KMT2E: variants seen among roughly 807,000 people sequenced by gnomAD.
KMT2E encodes lysine methyltransferase 2E (inactive).
KMT2E carries 30 observed loss-of-function variants against 184.6 expected under a neutral mutation model. The observed-to-expected ratio is 0.16, with a 90% CI of 0.12 to 0.22. KMT2E has a LOEUF of 0.22. Ranked by LOEUF, KMT2E falls within the 10% of genes least tolerant of loss-of-function variation. The probability of loss-of-function intolerance (pLI) is 1.00; values close to 1 mark genes in which losing one functional copy is unlikely to be tolerated. For synonymous variants in KMT2E, 815 were observed against 776.5 expected, an observed-to-expected ratio of 1.05 and a Z score of -0.82; for missense variants, 2,023 against 2,237.4, an observed-to-expected ratio of 0.90 and a Z score of 1.93.
At position 105,108,885 on chromosome 7, in the gene KMT2E, T is replaced by C. The variant is rs1026378425; in HGVS notation, c.3469-57T>C. 2.1e-6 allele frequency: 3 copies of C among 1,429,334 alleles called. No individual in the cohort carries two copies. In the African/African-American group the frequency reaches 4.3e-5, roughly 20 times the overall value. 88.5% of individuals were successfully genotyped at this position (1,429,334 alleles called of 1,614,324 possible). On this transcript the variant is annotated intron_variant, in intron 22 of 26. Transcript: ENST00000311117. ...CTTTAGACAAAAAAGAATGCATTGG[T>C]TCTGACATAAAAAACAAGAATAAAA... is the stretch of plus-strand genomic sequence containing the variant.
In KMT2E at chr7:105,075,969, G is replaced by T. The variant is rs549192192; in HGVS notation, c.730-74G>T. On this transcript the variant is annotated intron_variant, in intron 8 of 26. Transcript: ENST00000311117. Reference sequence around the variant, plus strand: ...TGACACTTCAGTTAAAAGTTTCAATGAACCAATTAATTCTTAAATATTAAT... The same window carrying T: ...TGACACTTCAGTTAAAAGTTTCAATTAACCAATTAATTCTTAAATATTAAT... 307 of 1,201,826 alleles carry T rather than the reference G, an allele frequency of 2.6e-4. 2 individuals carry two copies. The Middle Eastern group carries it at 0.013, about 50-fold the overall frequency. 74.4% of individuals were successfully genotyped at this position (1,201,826 alleles called of 1,614,324 possible).
At chr7:105,102,270 G>T (rs1584797729) in intron 17 of KMT2E, 76 bp downstream of exon 17, 1 of 1,271,776 alleles carries the variant, frequency 7.9e-7, no homozygotes, top group Non-Finnish European at 1.1e-6. Flanking sequence ...TTAAAAATTG[G>T]ATTTTTAAGA....
chr7:105,071,598 A>ATG (rs1562906491), intron 6 of KMT2E, among the ~76,000 whole-genome samples: 10 of 63,266 alleles, frequency 1.6e-4, no homozygotes, highest in African/African-American at 5.9e-4. Flanking sequence ...ATATATATAT[A>ATG]TATATATATA....
At chr7:105,040,710 A>G (rs1795842761) in intron 2 of KMT2E, 129 bp from the exon 3 acceptor site, 2 of 321,386 alleles carry the variant, frequency 6.2e-6, no homozygotes, top group African/African-American at 4.3e-5. Flanking sequence ...TTCCAGAAAA[A>G]TTAATGAGAG....
rs770693142 is a variant in KMT2E at position 105,112,050 on chromosome 7, C to T, written c.4294C>T (p.Leu1432=). 6.2e-7 allele frequency: 1 copy of T among 1,614,222 alleles called. No individual in the cohort carries two copies. Among genetic ancestry groups the T allele is most frequent in the Non-Finnish European group, 8.5e-7 (1 of 1,180,022 alleles). The change falls in exon 27 of 27, where the codon CTG becomes TTG. Residue 1432 remains leucine, a synonymous_variant. Coordinates refer to ENST00000311117, the MANE Select transcript of KMT2E (RefSeq NM_182931.3). ...TTCATCTGAGCAACTTTCACAAAAGCTGCCTTCTGTGCCAACAAAGTTGCA... is the reference window on the plus strand; with the variant it reads ...TTCATCTGAGCAACTTTCACAAAAGTTGCCTTCTGTGCCAACAAAGTTGCA... The part of the protein sequence containing the change: ...RNSSEQLSQK[L]PSVPTKLHCP...
At chr7:105,096,247 C>CAAAAA (rs11330758) in intron 15 of KMT2E, among the ~76,000 whole-genome samples, 14 of 69,248 alleles carry the variant, frequency 2.0e-4, no homozygotes, top group South Asian at 1.0e-3. Flanking sequence ...GTGAAAGGCT[C>CAAAAA]AAAAAAAAAA....
At chr7:105,031,125 G>A (rs1795395749) in intron 1 of KMT2E, among the ~76,000 whole-genome samples, 1 of 151,994 alleles carries the variant, frequency 6.6e-6, no homozygotes, top group South Asian at 2.1e-4. Flanking sequence ...GGGAGGCCAA[G>A]GTGGGTGGAT....
At chr7:105,026,876 G>T (rs1795195596) in intron 1 of KMT2E, among the ~76,000 whole-genome samples, 1 of 152,084 alleles carries the variant, frequency 6.6e-6, no homozygotes, top group African/African-American at 2.4e-5. Context: ...ACTTACAGAA[G>T]TTTAAAATTG....
At chr7:105,073,538 A>C in intron 6 of KMT2E, 81 bp from the exon 7 acceptor site, 1 of 858,852 alleles carries the variant, frequency 1.2e-6, no homozygotes, top group Non-Finnish European at 1.9e-6. Context: ...GAGAACATTA[A>C]ATAAATTAAA....
At chr7:105,089,088 C>T (rs1400241203) in intron 13 of KMT2E, 3 of 268,236 alleles carry the variant, frequency 1.1e-5, no homozygotes, top group Non-Finnish European at 2.2e-5. Flanking sequence ...ACCACAGTAT[C>T]ATTTTGCTTT....
At chr7:105,062,395 A>C in intron 4 of KMT2E, 117 bp downstream of exon 4, 1 of 572,110 alleles carries the variant, frequency 1.7e-6, no homozygotes, top group East Asian at 3.0e-5. Flanking sequence ...TCATACTATC[A>C]AAATAATTAG....
chr7:105,041,050 CAA>C (rs58676744), intron 3 of KMT2E, 27 bp downstream of exon 3: 15,191 of 653,230 alleles, frequency 0.023, no homozygotes, highest in Middle Eastern at 0.032. Flanking sequence ...GTTACATAAG[CAA>C]AAAAAAAAAA....
intron 6 of KMT2E, among the ~76,000 whole-genome samples, chr7:105,068,895 T>C (rs1797166248): frequency 6.6e-6 from 1 of 152,176 alleles, no homozygotes; most frequent in South Asian, 2.1e-4. Context: ...AAATTAAGTA[T>C]CATTGTGACC....
intron 12 of KMT2E, among the ~76,000 whole-genome samples, chr7:105,079,482 G>A (rs1007063753): frequency 2.3e-5 from 3 of 130,390 alleles, no homozygotes; most frequent in African/African-American, 8.7e-5. Context: ...AAATGATGAT[G>A]CTCCTTATAA....
chr7:105,016,037 A>G (rs1244571373), intron 1 of KMT2E, among the ~76,000 whole-genome samples: 1 of 152,234 alleles, frequency 6.6e-6, no homozygotes, highest in Non-Finnish European at 1.5e-5. Context: ...CTTTTATTCA[A>G]TATGCCAAAG....
chr7:105,075,387 G>C (rs908723641), intron 8 of KMT2E, among the ~76,000 whole-genome samples: 4 of 152,050 alleles, frequency 2.6e-5, no homozygotes, highest in Middle Eastern at 3.2e-3. Flanking sequence ...GTGGGCTCTC[G>C]ATACATGTTT....
In KMT2E at chr7:105,074,872, T is replaced by A. The variant is rs1797463339; in HGVS notation, c.729+57T>A. 10 of 1,294,276 alleles carry A rather than the reference T, an allele frequency of 7.7e-6. No individual in the cohort carries two copies. The South Asian group carries it at 1.2e-4, about 16-fold the overall frequency. The allele number at this position is 1,294,276 out of a possible 1,614,324, so 80.2% of individuals were successfully genotyped here. On this transcript the variant is annotated intron_variant, in intron 8 of 26. Coordinates refer to ENST00000311117, the MANE Select transcript of KMT2E (RefSeq NM_182931.3). ...TAGGATAGCGGATAGGGAACTGAAT[T>A]TTATAGGAGAGGCAGGAGAGTGAGA...
At chr7:105,039,459 CTT>C (rs1795794027) in intron 2 of KMT2E, among the ~76,000 whole-genome samples, 1 of 152,090 alleles carries the variant, frequency 6.6e-6, no homozygotes, top group Admixed American at 6.6e-5. Flanking sequence ...AAATACAAGA[CTT>C]TTGTGAGTCT....
chr7:105,048,509 T>G (rs1796196040), intron 3 of KMT2E, among the ~76,000 whole-genome samples: 1 of 152,220 alleles, frequency 6.6e-6, no homozygotes, highest in African/African-American at 2.4e-5. Flanking sequence ...CTAGATTTTA[T>G]AGCTAGCTCA....
Sources: allele counts gnomAD v4.1 joint callset (sites outside exome capture counted in the v4.1 genomes callset), GRCh38; gene constraint gnomAD v4.1.1; transcripts MANE v1.5; gene names NCBI Gene and HGNC (gene_info 2026-07-23, HGNC 2026-07-21).